NGEF: variants seen among roughly 807,000 people sequenced by gnomAD.
NGEF encodes ephexin-1.
A neutral mutation model predicts 80.9 loss-of-function variants in NGEF; 31 were observed. The observed-to-expected ratio is 0.38, with a 90% CI of 0.29 to 0.52. NGEF has a LOEUF of 0.52. Among genes scored for constraint, NGEF ranks in the 20% least tolerant of loss-of-function variants. The probability of loss-of-function intolerance (pLI) is 0.84; values close to 1 mark genes in which losing one functional copy is unlikely to be tolerated. For synonymous variants in NGEF, 371 were observed against 370.2 expected (o/e 1.00, Z -0.03); for missense variants, 709 against 926.2 (o/e 0.77, Z 3.04).
intron 10 of NGEF, 41 bp downstream of exon 10, chr2:232,885,239 C>T: frequency 6.3e-7 from 1 of 1,585,550 alleles, no homozygotes; most frequent in Non-Finnish European, 8.6e-7. Flanking sequence ...GGCCAGGGGC[C>T]TGTGCATGGG....
At chr2:232,952,879 G>T (rs953093891) in intron 3 of NGEF, among the ~76,000 whole-genome samples, 5 of 144,006 alleles carry the variant, frequency 3.5e-5, no homozygotes, top group Non-Finnish European at 6.0e-5. Flanking sequence ...TGAGGCAGGA[G>T]AATCACTTGA....
At chr2:233,010,285 G>C (rs1338273402) in intron 1 of NGEF, among the ~76,000 whole-genome samples, 1 of 152,142 alleles carries the variant, frequency 6.6e-6, no homozygotes, top group African/African-American at 2.4e-5. Context: ...CTAAAACCCT[G>C]CTGTCCCTTC....
rs560716507 is a variant in NGEF at position 232,891,547 on chromosome 2, C to A, written c.1143-60G>T. 6.0e-5 allele frequency: 93 copies of A among 1,540,608 alleles called. 1 individual carries two copies. The South Asian group carries it at 7.0e-4, about 12-fold the overall frequency. ...CTGCAGGAGGCATGAACTGGAGACT[C>A]CTCCTCCCCATCCACAGCCTCCCAG... On this transcript the variant is annotated intron_variant, in intron 7 of 14. Transcript: ENST00000264051.
chr2:232,879,739 G>A, intron 14 of NGEF, 60 bp from the exon 15 acceptor site: 1 of 1,525,036 alleles, frequency 6.6e-7, no homozygotes, highest in Non-Finnish European at 9.0e-7. Context: ...GCTGCACAGA[G>A]GCTCCCTCCT....
intron 1 of NGEF, among the ~76,000 whole-genome samples, chr2:232,998,197 A>T (rs1371334877): frequency 6.6e-6 from 1 of 152,072 alleles, no homozygotes; most frequent in African/African-American, 2.4e-5. Context: ...CATTGAGCTC[A>T]TTTGATCTTC....
chr2:232,936,822 G>A (rs914388953), intron 3 of NGEF, among the ~76,000 whole-genome samples: 10 of 152,148 alleles, frequency 6.6e-5, no homozygotes, highest in African/African-American at 1.9e-4. Flanking sequence ...ACAGCTTTCA[G>A]TAAGTTCTGT....
At chr2:232,917,936 G>C (rs1341702934) in intron 5 of NGEF, among the ~76,000 whole-genome samples, 2 of 151,820 alleles carry the variant, frequency 1.3e-5, no homozygotes, top group Admixed American at 1.3e-4. Context: ...ACTATACCCG[G>C]CTAATTAATT....
rs1432792187 is a variant in NGEF, at chr2:232,995,056, A to ATGTACAGTATGTATACTGTATATG, written c.-75+17988_-75+18011dup. On this transcript the variant is annotated intron_variant, in intron 1 of 14. Coordinates refer to ENST00000264051, the MANE Select transcript of NGEF (RefSeq NM_019850.3). ...TATGTACAGTATGTATACTGTATAT[A>ATGTACAGTATGTATACTGTATATG]TGTACAGTATGTATACTGTATATGT... Among the ~76,000 whole-genome samples the ATGTACAGTATGTATACTGTATATG allele has an allele frequency of 2.5e-3, 196 of 78,272 alleles. 77 individuals are homozygous for ATGTACAGTATGTATACTGTATATG. The highest frequency in any genetic ancestry group is 6.1e-3 in the Middle Eastern group (1 of 164). The allele number at this position is 78,272 out of a possible 152,430, so 51.3% of individuals were successfully genotyped here.
chr2:232,885,911 G>A (rs573737633), intron 9 of NGEF, among the ~76,000 whole-genome samples: 4 of 152,364 alleles, frequency 2.6e-5, no homozygotes, highest in African/African-American at 9.6e-5. Flanking sequence ...TGTCTGGAGT[G>A]AGAAACACGC....
At chr2:232,914,953 G>C (rs1692764067) in intron 5 of NGEF, among the ~76,000 whole-genome samples, 2 of 151,316 alleles carry the variant, frequency 1.3e-5, no homozygotes, top group South Asian at 2.1e-4. Flanking sequence ...GGAGGCAGAG[G>C]CTGCAGCAAG....
At chr2:232,883,075 A>ACACACACG (rs1366186383) in intron 12 of NGEF, among the ~76,000 whole-genome samples, 8 of 139,204 alleles carry the variant, frequency 5.7e-5, no homozygotes, top group African/African-American at 8.1e-5. Flanking sequence ...ACACACACAC[A>ACACACACG]CACACACGCA....
chr2:232,934,923 A>T (rs778345), intron 3 of NGEF, among the ~76,000 whole-genome samples: 37,337 of 151,770 alleles, frequency 0.25, 5,043 homozygotes, highest in Non-Finnish European at 0.31. Flanking sequence ...AGAGAGGATC[A>T]CTTGAGCCCA....
In NGEF at chr2:232,879,432, C is replaced by CCCG. The variant is rs1433422308; in HGVS notation, c.*56_*57insCGG. The stretch of plus-strand genomic sequence containing the variant: ...TGTGCTTCCCAGAGCCCCCCCCCCC[C>CCCG]CACCTTCTGTCGGGGTCTCATGCAG... On this transcript the variant is annotated 3_prime_UTR_variant, in exon 15 of 15. Coordinates refer to ENST00000264051, the MANE Select transcript of NGEF (RefSeq NM_019850.3). The CCCG allele has an allele frequency of 2.2e-6, 3 of 1,394,214 alleles. No individual in the cohort carries two copies. The African/African-American group carries it at 4.6e-5, about 21-fold the overall frequency. 86.4% of individuals were successfully genotyped at this position (1,394,214 alleles called of 1,614,324 possible).
At position 232,883,245 on chromosome 2, in the gene NGEF, T is replaced by A; in HGVS notation, c.1757+66A>T. 17 of 1,519,856 alleles carry A rather than the reference T, an allele frequency of 1.1e-5. No individual in the cohort carries two copies. In the South Asian group the frequency reaches 2.0e-4, roughly 18 times the overall value. The allele number at this position is 1,519,856 out of a possible 1,614,324, so 94.1% of individuals were successfully genotyped here. On this transcript the variant is annotated intron_variant, in intron 12 of 14. Coordinates refer to ENST00000264051, the MANE Select transcript of NGEF (RefSeq NM_019850.3). ...CTTGTTCCACCTGGGGACAGGCCCA[T>A]AGGCATCGAGGCCACACAGAAAGGT...
intron 5 of NGEF, 151 bp from the exon 6 acceptor site, chr2:232,895,067 GGC>G: frequency 1.2e-6 from 1 of 807,726 alleles, no homozygotes; most frequent in Non-Finnish European, 1.9e-6. Flanking sequence ...CTGCTGCAGG[GGC>G]AGCTGGTAAC....
intron 1 of NGEF, among the ~76,000 whole-genome samples, chr2:233,011,933 C>T (rs111605759): frequency 5.9e-5 from 9 of 152,096 alleles, no homozygotes; most frequent in African/African-American, 2.2e-4. Flanking sequence ...GAGGAGAGTG[C>T]GGTGGAGGGA....
chr2:232,924,744 C>T (rs969970324), intron 4 of NGEF, among the ~76,000 whole-genome samples: 6 of 152,218 alleles, frequency 3.9e-5, no homozygotes, highest in African/African-American at 1.4e-4. Flanking sequence ...AGATGAGACA[C>T]TTTTGTTGCT....
intron 1 of NGEF, among the ~76,000 whole-genome samples, chr2:233,002,567 C>T (rs2106344236): frequency 6.6e-6 from 1 of 152,222 alleles, no homozygotes; most frequent in East Asian, 1.9e-4. Flanking sequence ...GTCCCAGCTA[C>T]TTGGAAGGCT....
At chr2:232,905,461 C>T (rs1192989678) in intron 5 of NGEF, among the ~76,000 whole-genome samples, 14 of 152,172 alleles carry the variant, frequency 9.2e-5, no homozygotes, top group African/African-American at 2.4e-5. Context: ...ACAACCTCCA[C>T]CTCCCAGCCG....
Sources: allele counts gnomAD v4.1 joint callset (sites outside exome capture counted in the v4.1 genomes callset), GRCh38; gene constraint gnomAD v4.1.1; transcripts MANE v1.5; gene names NCBI Gene and HGNC (gene_info 2026-07-23, HGNC 2026-07-21).